Variants in CCDC116 observed in about 807,000 individuals in gnomAD.
CCDC116 encodes the protein coiled-coil domain-containing protein 116.
A neutral mutation model predicts 29.4 loss-of-function variants in CCDC116; 24 were observed. The ratio of observed to expected loss-of-function variants is 0.82; its 90% CI spans 0.59 to 1.15. The LOEUF (loss-of-function observed/expected upper bound fraction) is 1.15, where lower values mean the gene tolerates loss of function less well. CCDC116 is among the 50% of genes most tolerant of loss of function. CCDC116 has a pLI of 0.00. For missense variants in CCDC116, 791 were observed against 804.0 expected (o/e 0.98, Z 0.20); for synonymous variants, 298 against 331.4 (o/e 0.90, Z 1.10).
rs768908319 is a variant in CCDC116 at position 21,636,702 on chromosome 22, G to C, written c.1474G>C (p.Glu492Gln). The stretch of plus-strand genomic sequence containing the variant: ...AGGCTCCCGCATCCACCTGTCCTCG[G>C]AGACCCACCGGAGCTGCCTGCTGCG... ...VKGSRIHLSSETHRSCLLRKL... is the reference protein window; with the variant it reads ...VKGSRIHLSSQTHRSCLLRKL... Residue 492 changes from glutamate to glutamine, a missense_variant, in exon 5 of 5, where the codon GAG (glutamate) becomes CAG (glutamine). Physicochemically the swap from Glu to Gln is conservative, Grantham distance 29 (BLOSUM62 2). Transcript: ENST00000292779. The C allele has an allele frequency of 6.2e-7, 1 of 1,613,530 alleles. No homozygotes were observed. Among genetic ancestry groups the C allele is most frequent in the Non-Finnish European group, 8.5e-7 (1 of 1,180,034 alleles).
Position 21,635,557 on chromosome 22 carries a change from C to T in CCDC116, c.1203+291C>T, listed in dbSNP as rs529534792. The stretch of plus-strand genomic sequence containing the variant: ...TCTCTCCAGTTGCCTCTTCATCTCC[C>T]GCCTCACTGTGTCCAGAGGTGACCT... On this transcript the variant is annotated intron_variant, in intron 4 of 4. Transcript: ENST00000292779. 95 of 703,068 alleles carry T rather than the reference C, an allele frequency of 1.4e-4. 5 individuals are homozygous for T. The highest frequency in any genetic ancestry group is 1.3e-3 in the African/African-American group (73 of 57,390). 43.6% of individuals were successfully genotyped at this position (703,068 alleles called of 1,614,324 possible).
At position 21,632,839 on chromosome 22, in the gene CCDC116, G is replaced by C; in HGVS notation, c.-63+12G>C. 1 of 461,732 alleles carries C rather than the reference G, an allele frequency of 2.2e-6. No individual in the cohort carries two copies. Among genetic ancestry groups the C allele is most frequent in the Non-Finnish European group, 4.1e-6 (1 of 243,568 alleles). The allele number at this position is 461,732 out of a possible 1,614,324, so 28.6% of individuals were successfully genotyped here. On this transcript the variant is annotated intron_variant, in intron 1 of 4. Coordinates refer to ENST00000292779, the MANE Select transcript of CCDC116 (RefSeq NM_152612.3). Reference sequence around the variant, plus strand: ...AGGCGGTGTTTCTGGTGAGTCTGTTGATTCTGGGCTGGGGTGAAAGCCAGG... The same window carrying C: ...AGGCGGTGTTTCTGGTGAGTCTGTTCATTCTGGGCTGGGGTGAAAGCCAGG...
intron 4 of CCDC116, chr22:21,635,897 G>A (rs1180786436): frequency 4.3e-6 from 2 of 465,446 alleles, no homozygotes; most frequent in African/African-American, 2.0e-5. Context: ...CCCAGCCGGG[G>A]CCTTGCCTCC....
intron 4 of CCDC116, chr22:21,635,769 C>T (rs1930776539): frequency 2.5e-5 from 15 of 592,262 alleles, no homozygotes; most frequent in Non-Finnish European, 4.5e-5. Context: ...CAGGTGTTGT[C>T]ACAGATAAAT....
rs747228404 is a variant in CCDC116, at chr22:21,634,129, A to G, written c.180A>G (p.Gln60=). The change falls in exon 3 of 5, where the codon CAA becomes CAG. Residue 60 remains glutamine, a synonymous_variant. Transcript: ENST00000292779. ...STCGSSALQG[Q]RRNKRHPQPF... is the part of the protein sequence containing the mutation. The stretch of plus-strand genomic sequence containing the variant: ...GTGGCAGCTCAGCACTCCAGGGCCA[A>G]CGCCGAAACAAGAGGCACCCTCAGC... 1 of 1,614,252 alleles carries G rather than the reference A, an allele frequency of 6.2e-7. No individual in the cohort carries two copies. Among genetic ancestry groups the G allele is most frequent in the Admixed American group, 1.7e-5 (1 of 60,032 alleles).
At position 21,634,866 on chromosome 22, in the gene CCDC116, G is replaced by A. The variant is rs147529801; in HGVS notation, c.803G>A (p.Arg268His). The A allele has an allele frequency of 5.5e-5, 88 of 1,613,844 alleles. No individual in the cohort carries two copies. Among genetic ancestry groups the A allele is most frequent in the East Asian group, 1.3e-4 (6 of 44,872 alleles). Reference protein sequence around the residue: ...PRPGEQEPIFRKREFNKEIKS... With the variant: ...PRPGEQEPIFHKREFNKEIKS... ...CCTGGAGAACAGGAGCCAATCTTCCGCAAGCGAGAGTTCAATAAGGAGATC... is the reference window on the plus strand; with the variant it reads ...CCTGGAGAACAGGAGCCAATCTTCCACAAGCGAGAGTTCAATAAGGAGATC... Residue 268 changes from arginine (R) to histidine (H), a missense_variant, in exon 4 of 5, where the codon CGC becomes CAC. By Grantham distance (29) the Arg-to-His change is conservative. Coordinates refer to ENST00000292779, the MANE Select transcript of CCDC116 (RefSeq NM_152612.3).
chr22:21,636,564 T>G lies in CCDC116; in HGVS notation c.1336T>G (p.Leu446Val), dbSNP rs773081363. The change falls in exon 5 of 5, where the codon TTG becomes GTG. Residue 446 changes from leucine to valine, a missense_variant. Physicochemically the swap from Leu to Val is conservative, Grantham distance 32. Coordinates refer to ENST00000292779, the MANE Select transcript of CCDC116 (RefSeq NM_152612.3). The stretch of plus-strand genomic sequence containing the variant: ...CTTCCTGACCCAGCAGGCAGCCTCC[T>G]TGGTCATCCGCAAGTACGAGTTCGA... ...ADFLTQQAAS[L>V]VIRKYEFEKD... is the part of the protein sequence containing the mutation. 2 of 1,614,112 alleles carry G rather than the reference T, an allele frequency of 1.2e-6. No individual in the cohort carries two copies. The highest frequency in any genetic ancestry group is 1.7e-6 in the Non-Finnish European group (2 of 1,180,014).
chr22:21,635,712 C>A (rs1189946952), intron 4 of CCDC116: 5 of 627,014 alleles, frequency 8.0e-6, no homozygotes, highest in Non-Finnish European at 1.4e-5. Flanking sequence ...ACCTCCTGGG[C>A]AGGGGTCAAG....
rs1568998593 is a variant in CCDC116, at chr22:21,635,224, C to G, written c.1161C>G (p.Pro387=). Residue 387 remains proline, a synonymous_variant, in exon 4 of 5, where the codon CCC becomes CCG. Coordinates refer to ENST00000292779, the MANE Select transcript of CCDC116 (RefSeq NM_152612.3). The part of the protein sequence containing the change: ...QRKRKDRGGS[P]SMSSAQVATR... ...AACGCAAGGACAGAGGAGGCTCCCC[C>G]TCCATGTCTAGTGCCCAGGTGGCCA... 6.3e-7 allele frequency: 1 copy of G among 1,599,824 alleles called. No homozygotes were observed. The highest frequency in any genetic ancestry group is 2.2e-5 in the East Asian group (1 of 44,862).
At position 21,634,293 on chromosome 22, in the gene CCDC116, T is replaced by C. The variant is rs939057143; in HGVS notation, c.344T>C (p.Val115Ala). 1 of 1,613,422 alleles carries C rather than the reference T, an allele frequency of 6.2e-7. No individual in the cohort carries two copies. Among genetic ancestry groups the C allele is most frequent in the African/African-American group, 1.3e-5 (1 of 74,926 alleles). ...GVPLVEVQDP[V>A]EVPSGGRRAH... ...CCGCTTGTGGAGGTGCAGGACCCAG[T>C]GGAGGTGCCAAGTGGTGGACGGCGG... The change falls in exon 3 of 5, where the codon GTG becomes GCG. Residue 115 changes from valine (V) to alanine (A), a missense_variant. Physicochemically the swap from Val to Ala is moderately conservative, Grantham distance 64. Transcript: ENST00000292779.
In CCDC116 at chr22:21,633,226, G is replaced by A. The variant is rs542270616; in HGVS notation, c.45G>A (p.Glu15=). The stretch of plus-strand genomic sequence containing the variant: ...ACTCGGGTTACCTGGCCGATGACGA[G>A]GCCAGCCACTCCATGTGCAGTGCAC... ...RHHSGYLADD[E]ASHSMCSARV... The change falls in exon 2 of 5, where the codon GAG becomes GAA. Residue 15 remains glutamate (E), a synonymous_variant. Coordinates refer to ENST00000292779, the MANE Select transcript of CCDC116 (RefSeq NM_152612.3). 6.4e-7 allele frequency: 1 copy of A among 1,550,884 alleles called. No individual in the cohort carries two copies. Among genetic ancestry groups the A allele is most frequent in the Non-Finnish European group, 8.7e-7 (1 of 1,147,172 alleles).
rs1930618923 is a variant in CCDC116, at chr22:21,633,109, A to C, written c.-62-11A>C. The C allele has an allele frequency of 7.8e-7, 1 of 1,279,520 alleles. No homozygotes were observed. Among genetic ancestry groups the C allele is most frequent in the South Asian group, 1.3e-5 (1 of 78,560 alleles). The allele number at this position is 1,279,520 out of a possible 1,614,324, so 79.3% of individuals were successfully genotyped here. A position where few individuals can be genotyped will look rare whatever the true frequency, so the allele number is the denominator to read the frequency against. On this transcript the variant is annotated splice_polypyrimidine_tract_variant and intron_variant, in intron 1 of 4. Transcript: ENST00000292779. ...TTGGAGACCCTCAGGTTGTCTCCCC[A>C]CCCCACGCAGAGAGGAATGCGCAGC...
At position 21,636,952 on chromosome 22, in the gene CCDC116, C is replaced by A. The variant is rs925794180; in HGVS notation, c.1724C>A (p.Pro575His). ...GCCTGCACCGGCATGGGTTCCAGTC[C>A]CCCCAAGTCCAAGGACATGGACAAT... ...MSACTGMGSS[P>H]PKSKDMDNEG... Residue 575 changes from proline (P) to histidine (H), a missense_variant, in exon 5 of 5, where the codon CCC (proline) becomes CAC (histidine). Transcript: ENST00000292779. 6.2e-7 allele frequency: 1 copy of A among 1,613,836 alleles called. No homozygotes were observed. Among genetic ancestry groups the A allele is most frequent in the Non-Finnish European group, 8.5e-7 (1 of 1,180,048 alleles).
intron 1 of CCDC116, 85 bp downstream of exon 1, chr22:21,632,912 A>C (rs1930606593): frequency 1.6e-6 from 1 of 616,246 alleles, no homozygotes; most frequent in Non-Finnish European, 3.1e-6. Flanking sequence ...GCAGATCCAA[A>C]GATGATCGGA....
intron 2 of CCDC116, among the ~76,000 whole-genome samples, chr22:21,633,680 G>A (rs1601460715): frequency 1.3e-5 from 2 of 152,230 alleles, no homozygotes; most frequent in Admixed American, 6.5e-5. Flanking sequence ...GGGAGACTCC[G>A]AGAGATTCAT....
Position 21,637,028 on chromosome 22 carries a change from G to A in CCDC116, c.1800G>A (p.Lys600=). The change falls in exon 5 of 5, where the codon AAG becomes AAA. Residue 600 remains lysine, a synonymous_variant. Transcript: ENST00000292779. ...EIEDEDEDEF[K]DEDQDEDKDE... ...AAGATGAAGATGAGGATGAGTTCAA[G>A]GATGAAGACCAGGATGAGGACAAGG... 1 of 1,613,292 alleles carries A rather than the reference G, an allele frequency of 6.2e-7. No homozygotes were observed. Among genetic ancestry groups the A allele is most frequent in the Non-Finnish European group, 8.5e-7 (1 of 1,180,010 alleles).
chr22:21,636,566 G>C lies in CCDC116; in HGVS notation c.1338G>C (p.Leu446Phe), dbSNP rs1357219413. 4.3e-6 allele frequency: 7 copies of C among 1,613,986 alleles called. No individual in the cohort carries two copies. The African/African-American group carries it at 9.3e-5, about 22-fold the overall frequency. The change falls in exon 5 of 5, where the codon TTG becomes TTC. Residue 446 changes from leucine to phenylalanine, a missense_variant. Transcript: ENST00000292779. Reference sequence around the variant, plus strand: ...TCCTGACCCAGCAGGCAGCCTCCTTGGTCATCCGCAAGTACGAGTTCGAAA... The same window carrying C: ...TCCTGACCCAGCAGGCAGCCTCCTTCGTCATCCGCAAGTACGAGTTCGAAA... ...ADFLTQQAASLVIRKYEFEKD... is the reference protein window; with the variant it reads ...ADFLTQQAASFVIRKYEFEKD...
rs1388784107 is a variant in CCDC116 at position 21,636,806 on chromosome 22, G to A, written c.1578G>A (p.Val526=). 3 of 1,612,934 alleles carry A rather than the reference G, an allele frequency of 1.9e-6. No individual in the cohort carries two copies. The highest frequency in any genetic ancestry group is 2.2e-5 in the East Asian group (1 of 44,880). Residue 526 remains valine (V), a synonymous_variant, in exon 5 of 5, where the codon GTG becomes GTA. Coordinates refer to ENST00000292779, the MANE Select transcript of CCDC116 (RefSeq NM_152612.3). ...ACTGCAGCACAGAGACACCCTCTGT[G>A]CAGCAGGAACCAGCCACCCACACTG... The part of the protein sequence containing the change: ...TSHCSTETPS[V]QQEPATHTAQ...
intron 2 of CCDC116, 88 bp downstream of exon 2, chr22:21,633,341 C>T: frequency 9.3e-7 from 1 of 1,080,362 alleles, no homozygotes; most frequent in Non-Finnish European, 1.3e-6. Flanking sequence ...CCCCATTTCT[C>T]ATTGTCTATT....
Sources: gnomAD v4.1 joint callset for allele counts (sites outside exome capture counted in the v4.1 genomes callset) on GRCh38, gnomAD v4.1.1 for gene constraint, MANE v1.5 for transcripts, NCBI Gene and HGNC (gene_info 2026-07-23, HGNC 2026-07-21) for gene names.